TG: variants seen among roughly 807,000 people sequenced by gnomAD.
TG encodes the protein thyroglobulin.
Under a neutral mutation model 324.7 loss-of-function variants are expected in TG, and 270 were observed. The observed-to-expected ratio is 0.83, with a 90% CI of 0.75 to 0.92. The LOEUF is 0.92. TG is among the 40% of genes least tolerant of loss of function. The pLI is 0.00. For missense variants in TG, 3,591 were observed against 3,456.4 expected (o/e 1.04, Z -0.98); for synonymous variants, 1,401 against 1,327.0 (o/e 1.06, Z -1.21).
chr8:133,020,156 G>A (rs1180810434), intron 39 of TG, among the ~76,000 whole-genome samples: 1 of 152,190 alleles, frequency 6.6e-6, no homozygotes, highest in African/African-American at 2.4e-5. Flanking sequence ...TATTCAGATG[G>A]GCAGAGTGGA....
chr8:132,883,086 A>G, intron 8 of TG, 87 bp downstream of exon 8: 1 of 1,452,580 alleles, frequency 6.9e-7, no homozygotes, highest in Non-Finnish European at 9.4e-7. Context: ...GACCCCATTA[A>G]TTCAACTGCC....
intron 21 of TG, among the ~76,000 whole-genome samples, chr8:132,921,895 A>G (rs571609806): frequency 6.6e-6 from 1 of 152,374 alleles, no homozygotes; most frequent in Admixed American, 6.5e-5. Flanking sequence ...TCACATAACC[A>G]ATAGTCTGGA....
At position 132,893,836 on chromosome 8, in the gene TG, C is replaced by A; in HGVS notation, c.2908C>A (p.Leu970Ile). 1 of 1,613,976 alleles carries A rather than the reference C, an allele frequency of 6.2e-7. No homozygotes were observed. Among genetic ancestry groups the A allele is most frequent in the Non-Finnish European group, 8.5e-7 (1 of 1,179,940 alleles). Residue 970 changes from leucine to isoleucine, a missense_variant, in exon 11 of 48, where the codon CTC becomes ATC. Leu to Ile is a conservative substitution (Grantham distance 5). Transcript: ENST00000220616. ...AKGIRLRNED[L>I]GLPPLFPPRE... Reference sequence around the variant, plus strand: ...GGGAATCCGGCTGAGGAATGAGGACCTCGGCCTTCCTCCGCTCTTCCCGCC... The same window carrying A: ...GGGAATCCGGCTGAGGAATGAGGACATCGGCCTTCCTCCGCTCTTCCCGCC...
chr8:133,063,535 T>C (rs1842683251), intron 41 of TG: 1 of 151,686 alleles, frequency 6.6e-6, no homozygotes, highest in African/African-American at 2.4e-5. Context: ...AAACTTGCAT[T>C]GTTGAGATTG....
At chr8:133,056,094 G>C (rs1841401988) in intron 41 of TG, among the ~76,000 whole-genome samples, 1 of 152,176 alleles carries the variant, frequency 6.6e-6, no homozygotes, top group African/African-American at 2.4e-5. Flanking sequence ...GCAGGGCATG[G>C]CTGTGTTTGA....
intron 11 of TG, among the ~76,000 whole-genome samples, chr8:132,896,839 A>G (rs928141949): frequency 1.3e-5 from 2 of 152,204 alleles, no homozygotes; most frequent in Non-Finnish European, 2.9e-5. Flanking sequence ...AATCTAACAC[A>G]ATAAATGGGA....
At chr8:133,058,273 C>T (rs1012896885) in intron 41 of TG, among the ~76,000 whole-genome samples, 6 of 152,204 alleles carry the variant, frequency 3.9e-5, no homozygotes, top group South Asian at 2.1e-4. Flanking sequence ...AGCCCACCAG[C>T]GCTTGATGTG....
intron 40 of TG, among the ~76,000 whole-genome samples, chr8:133,028,627 C>T (rs1836325256): frequency 6.6e-6 from 1 of 152,154 alleles, no homozygotes; most frequent in African/African-American, 2.4e-5. Flanking sequence ...GTGCTATTAT[C>T]ACCCCCGTTT....
intron 4 of TG, among the ~76,000 whole-genome samples, chr8:132,872,148 A>G (rs1839535297): frequency 2.0e-5 from 3 of 152,330 alleles, no homozygotes; most frequent in African/African-American, 4.8e-5. Flanking sequence ...GTTATCATAA[A>G]AGAGTCAAAA....
chr8:132,949,561 C>G (rs1400867638), intron 27 of TG, among the ~76,000 whole-genome samples: 1 of 152,184 alleles, frequency 6.6e-6, no homozygotes, highest in Non-Finnish European at 1.5e-5. Flanking sequence ...CAAACTAATG[C>G]CCATCCAGGC....
intron 41 of TG, among the ~76,000 whole-genome samples, chr8:133,051,497 C>T (rs1840395176): frequency 1.3e-5 from 2 of 152,192 alleles, no homozygotes; most frequent in African/African-American, 4.8e-5. Flanking sequence ...AAACAAAATA[C>T]TTATTTCTTG....
intron 41 of TG, among the ~76,000 whole-genome samples, chr8:133,071,865 G>C (rs557438951): frequency 6.6e-5 from 10 of 152,148 alleles, no homozygotes; most frequent in Non-Finnish European, 8.8e-5. Context: ...TCTTAGGATA[G>C]GGTTCATGTC....
At chr8:132,919,324 AC>A (rs1820805767) in intron 20 of TG, 51 bp from the exon 21 acceptor site, 3 of 1,583,652 alleles carry the variant, frequency 1.9e-6, no homozygotes, top group Admixed American at 1.7e-5. Flanking sequence ...TGGGATTGTA[AC>A]TGTGAAGCAT....
intron 27 of TG, among the ~76,000 whole-genome samples, chr8:132,954,551 G>A (rs1044688398): frequency 1.3e-5 from 2 of 152,196 alleles, no homozygotes; most frequent in African/African-American, 2.4e-5. Context: ...CCAAGGAACA[G>A]GGTGTGTACC....
chr8:133,060,343 T>C (rs1842194761), intron 41 of TG: 2 of 1,545,478 alleles, frequency 1.3e-6, no homozygotes, highest in Non-Finnish European at 1.7e-6. Context: ...GAAGATGAGA[T>C]TGGTGAAGAT....
chr8:132,959,337 A>G (rs1827419782), intron 27 of TG, among the ~76,000 whole-genome samples: 1 of 152,212 alleles, frequency 6.6e-6, no homozygotes, highest in Non-Finnish European at 1.5e-5. Context: ...ATGAAAGACC[A>G]TGTATGTAAT....
chr8:132,882,602 C>A lies in TG; in HGVS notation c.879C>A (p.Gly293=). 6.2e-7 allele frequency: 1 copy of A among 1,614,248 alleles called. No homozygotes were observed. The highest frequency in any genetic ancestry group is 2.2e-5 in the East Asian group (1 of 44,888). ...TCGCAGTTCAATCAGTCATCTCTGGCAGATTCCGATGTAAGTAATAAACTG... is the reference window on the plus strand; with the variant it reads ...TCGCAGTTCAATCAGTCATCTCTGGAAGATTCCGATGTAAGTAATAAACTG... ...RFLAVQSVIS[G]RFRCPTKCEV... Residue 293 remains glycine, a synonymous_variant, in exon 7 of 48, where the codon GGC becomes GGA. Coordinates refer to ENST00000220616, the MANE Select transcript of TG (RefSeq NM_003235.5).
intron 45 of TG, 89 bp downstream of exon 45, chr8:133,116,805 C>T: frequency 9.5e-7 from 1 of 1,052,326 alleles, no homozygotes; most frequent in South Asian, 1.3e-5. Context: ...CTTAACCCCT[C>T]TAAGCCTCAG....
At position 132,971,794 on chromosome 8, in the gene TG, G is replaced by A. The variant is rs773882300; in HGVS notation, c.5976G>A (p.Gly1992=). 1.9e-6 allele frequency: 3 copies of A among 1,611,862 alleles called. No homozygotes were observed. The highest frequency in any genetic ancestry group is 2.2e-5 in the East Asian group (1 of 44,858). ...VPMSEKSISN[G]FFECERRCDA... is the part of the protein sequence containing the mutation. Reference sequence around the variant, plus strand: ...CCTGCTCTTTCTCTTCCTATGCCAGGTTCTTTGAATGTGAACGACGGTGCG... The same window carrying A: ...CCTGCTCTTTCTCTTCCTATGCCAGATTCTTTGAATGTGAACGACGGTGCG... The change falls in exon 33 of 48, where the codon GGG becomes GGA. Residue 1992 remains glycine, a splice_region_variant and synonymous_variant. Coordinates refer to ENST00000220616, the MANE Select transcript of TG (RefSeq NM_003235.5).
Sources: gnomAD v4.1 joint callset for allele counts (sites outside exome capture counted in the v4.1 genomes callset) on GRCh38, gnomAD v4.1.1 for gene constraint, MANE v1.5 for transcripts, NCBI Gene and HGNC (gene_info 2026-07-23, HGNC 2026-07-21) for gene names.